The following RBM20 variants were observed in gnomAD, a reference collection of about 807,000 sequenced individuals.
The protein encoded by RBM20 is RNA binding motif protein 20, also known as RNA-binding protein 20.
RBM20 carries 51 observed loss-of-function variants against 110.1 expected under a neutral mutation model. The observed-to-expected ratio is 0.46, with a 90% CI of 0.37 to 0.59. The LOEUF (loss-of-function observed/expected upper bound fraction) is 0.59. RBM20 is among the 20% of genes least tolerant of loss of function. The pLI is 0.00. For missense variants in RBM20, 1,512 were observed against 1,574.9 expected, an observed-to-expected ratio of 0.96 and a Z score of 0.68; for synonymous variants, 589 against 618.2, an observed-to-expected ratio of 0.95 and a Z score of 0.70.
In RBM20 at chr10:110,754,384, A is replaced by G. The variant is rs78157839; in HGVS notation, c.192-26417A>G. On this transcript the variant is annotated intron_variant, in intron 1 of 13. Transcript: ENST00000369519. ...TCTTTTGACCACTTAGTGTCTTTCA[A>G]TAGTCCTGGAAAATTCTCAGCTTTT... Among the ~76,000 whole-genome samples, 1,178 of 152,276 alleles carry G rather than the reference A, an allele frequency of 7.7e-3. 14 individuals carry two copies. Among genetic ancestry groups the G allele is most frequent in the East Asian group, 0.051 (265 of 5,182 alleles).
chr10:110,703,028 C>T (rs1173860497), intron 1 of RBM20, among the ~76,000 whole-genome samples: 2 of 138,916 alleles, frequency 1.4e-5, no homozygotes, highest in Non-Finnish European at 3.1e-5. Context: ...TGGCTTAATA[C>T]CTTTCTAACT....
intron 1 of RBM20, among the ~76,000 whole-genome samples, chr10:110,673,331 C>T (rs1483571119): frequency 3.9e-5 from 6 of 152,166 alleles, no homozygotes; most frequent in East Asian, 1.9e-4. Flanking sequence ...CCTGCCTCAG[C>T]TTCCCAAGTA....
chr10:110,829,277 A>T (rs998477478), intron 12 of RBM20, among the ~76,000 whole-genome samples: 1 of 152,244 alleles, frequency 6.6e-6, no homozygotes, highest in Admixed American at 6.5e-5. Flanking sequence ...ACCAACAGCC[A>T]GGAGCCAGGA....
intron 5 of RBM20, among the ~76,000 whole-genome samples, chr10:110,787,851 C>G (rs1452570962): frequency 1.3e-5 from 2 of 151,624 alleles, no homozygotes; most frequent in African/African-American, 2.4e-5. Flanking sequence ...ATTTTGGGAG[C>G]TAGGAGGGGA....
chr10:110,821,764 C>A lies in RBM20; in HGVS notation c.3145C>A (p.Pro1049Thr). The change falls in exon 11 of 14, where the codon CCT becomes ACT. Residue 1049 changes from proline (P) to threonine (T), a missense_variant. This residue lies in a region of RBM20 where 358 missense variants were observed against 384.2 expected (regional missense o/e 0.93). Transcript: ENST00000369519. ...CCCTACAGTCCAGCAAATGTCTTCC[C>A]CTAAGCCAGCAGAGGAGAGGGCCCG... ...PAPTVQQMSS[P>T]KPAEERARQP... 3 of 1,551,774 alleles carry A rather than the reference C, an allele frequency of 1.9e-6. No individual in the cohort carries two copies. The highest frequency in any genetic ancestry group is 2.6e-6 in the Non-Finnish European group (3 of 1,147,014).
intron 1 of RBM20, among the ~76,000 whole-genome samples, chr10:110,665,854 T>G (rs1309747641): frequency 6.6e-6 from 1 of 152,126 alleles, no homozygotes; most frequent in Non-Finnish European, 1.5e-5. Flanking sequence ...GTGTTGTGGC[T>G]CATGGTCGTC....
chr10:110,803,543 G>A (rs1255029398), intron 7 of RBM20, among the ~76,000 whole-genome samples: 1 of 152,110 alleles, frequency 6.6e-6, no homozygotes, highest in Non-Finnish European at 1.5e-5. Flanking sequence ...AGATGCTGCT[G>A]CTGGTGGTCC....
At chr10:110,833,397 A>AAAAAAAAAAAAC (rs1465077327) in intron 13 of RBM20, among the ~76,000 whole-genome samples, 1 of 149,188 alleles carries the variant, frequency 6.7e-6, no homozygotes, top group East Asian at 2.0e-4. Flanking sequence ...TCAGAAAAAA[A>AAAAAAAAAAAAC]AAAAAAAAAG....
At chr10:110,734,091 C>T (rs532968485) in intron 1 of RBM20, among the ~76,000 whole-genome samples, 7 of 152,232 alleles carry the variant, frequency 4.6e-5, no homozygotes, top group African/African-American at 9.6e-5. Flanking sequence ...CACTGAAGGT[C>T]GACATTCTGT....
chr10:110,644,726 G>A lies in RBM20; in HGVS notation c.191+81G>A. ...AGCCCCCTTTGTGGCTTCATTTCCC[G>A]TCCCTGCTGAACTTCGCTCGCCCCC... is the stretch of plus-strand genomic sequence containing the variant. On this transcript the variant is annotated intron_variant, in intron 1 of 13. Transcript: ENST00000369519. The surrounding 1 kb of genome is among the most constrained non-coding windows in gnomAD (Gnocchi z 4.3). 9.0e-7 allele frequency: 1 copy of A among 1,115,968 alleles called. No homozygotes were observed. Among genetic ancestry groups the A allele is most frequent in the Non-Finnish European group, 1.2e-6 (1 of 827,978 alleles). The allele number at this position is 1,115,968 out of a possible 1,614,324, so 69.1% of individuals were successfully genotyped here. A position where few individuals can be genotyped will look rare whatever the true frequency, so the allele number is the denominator to read the frequency against.
rs1026566294 is a variant in RBM20, at chr10:110,839,354, G to T, written c.*3376G>T. 4 of 152,122 alleles carry T rather than the reference G, an allele frequency of 2.6e-5. No homozygotes were observed. The highest frequency in any genetic ancestry group is 2.0e-4 in the Admixed American group (3 of 15,276). 9.4% of individuals were successfully genotyped at this position (152,122 alleles called of 1,614,324 possible). ...TTGAACTTGTAAAGTATTGAAATTT[G>T]TTGAGTGTCCTATAAATTGTCACTA... On this transcript the variant is annotated 3_prime_UTR_variant, in exon 14 of 14. Transcript: ENST00000369519.
chr10:110,812,597 C>T lies in RBM20; in HGVS notation c.2200C>T (p.Arg734Trp), dbSNP rs199972578. Reference protein sequence around the residue: ...DERPEGGRPHREKYPRSGSPN... With the variant: ...DERPEGGRPHWEKYPRSGSPN... ...GCGACCAGAAGGAGGGAGGCCCCAC[C>T]GGGAGAAGTACCCGAGATCTGGGTC... The change falls in exon 9 of 14, where the codon CGG becomes TGG. Residue 734 changes from arginine to tryptophan, a missense_variant. Physicochemically the swap from Arg to Trp is moderately radical, Grantham distance 101. Coordinates refer to ENST00000369519, the MANE Select transcript of RBM20 (RefSeq NM_001134363.3). 37 of 1,551,508 alleles carry T rather than the reference C, an allele frequency of 2.4e-5. No homozygotes were observed. The highest frequency in any genetic ancestry group is 2.2e-4 in the East Asian group (9 of 40,924).
chr10:110,829,734 C>T (rs1483819811), intron 12 of RBM20, among the ~76,000 whole-genome samples: 1 of 152,212 alleles, frequency 6.6e-6, no homozygotes, highest in African/African-American at 2.4e-5. Flanking sequence ...ACCAGCTGGG[C>T]TTGCAGTCGG....
At chr10:110,767,538 G>A (rs1202788276) in intron 1 of RBM20, among the ~76,000 whole-genome samples, 4 of 150,508 alleles carry the variant, frequency 2.7e-5, no homozygotes, top group East Asian at 2.0e-4. Flanking sequence ...CAGACGGGGC[G>A]GCTGCCGGGC....
intron 5 of RBM20, among the ~76,000 whole-genome samples, chr10:110,787,655 G>A (rs577190806): frequency 1.1e-4 from 17 of 152,234 alleles, no homozygotes; most frequent in Non-Finnish European, 2.2e-4. Flanking sequence ...GATGATTTGT[G>A]TGTTGATTCT....
intron 1 of RBM20, among the ~76,000 whole-genome samples, chr10:110,726,692 A>G (rs1843563864): frequency 6.6e-6 from 1 of 151,840 alleles, no homozygotes; most frequent in South Asian, 2.1e-4. Flanking sequence ...TGCAGGTTCA[A>G]GGGTCTCCAA....
At chr10:110,675,999 A>C (rs1862333103) in intron 1 of RBM20, among the ~76,000 whole-genome samples, 1 of 152,194 alleles carries the variant, frequency 6.6e-6, no homozygotes, top group Non-Finnish European at 1.5e-5. Flanking sequence ...GACATGATTT[A>C]GGTAGAGTTT....
At chr10:110,698,200 G>T (rs1444817632) in intron 1 of RBM20, among the ~76,000 whole-genome samples, 3 of 152,106 alleles carry the variant, frequency 2.0e-5, no homozygotes, top group Non-Finnish European at 2.9e-5. Flanking sequence ...GAGCCACCGC[G>T]CCCGGCCCTT....
chr10:110,797,378 C>A, intron 5 of RBM20, 130 bp from the exon 6 acceptor site: 1 of 875,256 alleles, frequency 1.1e-6, no homozygotes, highest in Middle Eastern at 3.7e-4. Context: ...TGGATTTTTT[C>A]TGCATTAATT....
Sources: allele counts gnomAD v4.1 joint callset (sites outside exome capture counted in the v4.1 genomes callset), GRCh38; gene constraint gnomAD v4.1.1; regional missense constraint gnomAD v4.1.1; non-coding constraint Gnocchi (gnomAD v3.1); transcripts MANE v1.5; gene names NCBI Gene and HGNC (gene_info 2026-07-23, HGNC 2026-07-21).